Variants in TOX observed in about 807,000 individuals in gnomAD.
TOX encodes thymocyte selection-associated high mobility group box protein TOX.
Under a neutral mutation model 53.7 loss-of-function variants are expected in TOX, and 11 were observed. That is an observed-to-expected ratio of 0.20 (90% CI 0.13 to 0.34). The LOEUF (loss-of-function observed/expected upper bound fraction) is 0.34, where lower values mean the gene tolerates loss of function less well. Ranked by LOEUF, TOX falls within the 10% of genes least tolerant of loss-of-function variation. The pLI is 1.00. For synonymous variants in TOX, 225 were observed against 245.3 expected, an observed-to-expected ratio of 0.92 and a Z score of 0.77; for missense variants, 570 against 664.6, an observed-to-expected ratio of 0.86 and a Z score of 1.56.
Position 59,118,954 on chromosome 8 carries a change from G to C in TOX, c.34C>G (p.Pro12Ala), listed in dbSNP as rs775702114. The change falls in exon 1 of 9, where the codon CCC (proline) becomes GCC (alanine). Residue 12 changes from proline (P) to alanine (A), a missense_variant. Pro to Ala is a conservative substitution (Grantham distance 27). Transcript: ENST00000361421. The surrounding 1 kb of genome is among the most constrained non-coding windows in gnomAD (Gnocchi z 4.1). ...DVRFYPPPAQ[P>A]AAAPDAPCLG... ...CAGGGAGCGTCGGGCGCAGCGGCGG[G>C]CTGGGCTGGAGGTGGATAAAATCTT... 4 of 1,603,008 alleles carry C rather than the reference G, an allele frequency of 2.5e-6. No homozygotes were observed. In the South Asian group the frequency reaches 3.3e-5, roughly 13 times the overall value.
intron 3 of TOX, among the ~76,000 whole-genome samples, chr8:58,898,885 A>T (rs959071277): frequency 6.6e-6 from 1 of 152,142 alleles, no homozygotes; most frequent in Non-Finnish European, 1.5e-5. Flanking sequence ...GCATCTATTA[A>T]ACGGAGGTGT....
intron 1 of TOX, among the ~76,000 whole-genome samples, chr8:59,047,636 C>T (rs1803714363): frequency 6.6e-6 from 1 of 151,770 alleles, no homozygotes; most frequent in Non-Finnish European, 1.5e-5. Flanking sequence ...TTCACAGGCG[C>T]CATCATAGCA....
At chr8:58,879,523 TA>T (rs1193488024) in intron 3 of TOX, among the ~76,000 whole-genome samples, 2 of 118,504 alleles carry the variant, frequency 1.7e-5, no homozygotes. Flanking sequence ...AGTAAAAACA[TA>T]TTTTTAGTTA....
At chr8:58,925,059 C>G (rs1346144129) in intron 3 of TOX, among the ~76,000 whole-genome samples, 1 of 152,196 alleles carries the variant, frequency 6.6e-6, no homozygotes, top group East Asian at 1.9e-4. Context: ...AGCCACAGCC[C>G]CCAACCCTCG....
chr8:58,831,188 T>A (rs1411702388), intron 5 of TOX, among the ~76,000 whole-genome samples: 1 of 152,166 alleles, frequency 6.6e-6, no homozygotes, highest in Non-Finnish European at 1.5e-5. Flanking sequence ...GACCTGTTTC[T>A]GGAATGGTAA....
At chr8:59,092,276 T>TATTATATATACATTATATATATA (rs1563443717) in intron 1 of TOX, among the ~76,000 whole-genome samples, 1 of 92,704 alleles carries the variant, frequency 1.1e-5, no homozygotes, top group African/African-American at 1.5e-4. Context: ...TATATATATA[T>TATTATATATACATTATATATATA]ATATATTATA....
intron 5 of TOX, among the ~76,000 whole-genome samples, chr8:58,831,946 G>A (rs1270831568): frequency 6.6e-6 from 1 of 151,926 alleles, no homozygotes; most frequent in Non-Finnish European, 1.5e-5. Flanking sequence ...ACTTGAAGGA[G>A]TATTATGTTT....
intron 1 of TOX, among the ~76,000 whole-genome samples, chr8:59,010,122 A>G (rs907787700): frequency 2.0e-5 from 3 of 152,192 alleles, no homozygotes; most frequent in Admixed American, 2.0e-4. Flanking sequence ...ATTCACGAGT[A>G]TAGGTTCCTA....
rs78461482 is a variant in TOX at position 59,089,749 on chromosome 8, C to T, written c.102+29137G>A. ...GATCACAGGCATGCATCTCCATGCCCGGCTAATTTTTTAATTTGTAGAGAT... is the reference window on the plus strand; with the variant it reads ...GATCACAGGCATGCATCTCCATGCCTGGCTAATTTTTTAATTTGTAGAGAT... On this transcript the variant is annotated intron_variant, in intron 1 of 8. Coordinates refer to ENST00000361421, the MANE Select transcript of TOX (RefSeq NM_014729.3). 2.9e-4 allele frequency among the ~76,000 whole-genome samples: 44 copies of T among 152,260 alleles called. 1 individual carries two copies. In the East Asian group the frequency reaches 7.3e-3, roughly 25 times the overall value.
intron 1 of TOX, among the ~76,000 whole-genome samples, chr8:58,964,228 C>A (rs1356221148): frequency 6.6e-6 from 1 of 152,138 alleles, no homozygotes; most frequent in Non-Finnish European, 1.5e-5. Context: ...GGTCAGGAAT[C>A]AAGAGACCTG....
chr8:59,118,858 A>C lies in TOX; in HGVS notation c.102+28T>G. The C allele has an allele frequency of 6.5e-7, 1 of 1,538,056 alleles. No homozygotes were observed. The highest frequency in any genetic ancestry group is 8.8e-7 in the Non-Finnish European group (1 of 1,131,204). ...CCTCCCAGGATCAAGCAGCAAGAAC[A>C]CGGTGGAAACAAAAGCAGAGCGTTC... is the stretch of plus-strand genomic sequence containing the variant. On this transcript the variant is annotated intron_variant, in intron 1 of 8. Transcript: ENST00000361421. This position sits in a 1 kb window ranked among gnomAD's most constrained non-coding sequence, Gnocchi z 4.1.
intron 1 of TOX, chr8:58,992,880 C>A (rs1457361543): frequency 1.3e-5 from 2 of 152,080 alleles, no homozygotes; most frequent in African/African-American, 4.8e-5. Flanking sequence ...AACACTGTTG[C>A]ATATTTAAGG....
chr8:58,912,023 C>T (rs1357371272), intron 3 of TOX, among the ~76,000 whole-genome samples: 2 of 152,198 alleles, frequency 1.3e-5, no homozygotes, highest in African/African-American at 4.8e-5. Flanking sequence ...CAATGCAGCT[C>T]CCCCGGCTCC....
At chr8:58,891,572 G>A (rs1001492290) in intron 3 of TOX, among the ~76,000 whole-genome samples, 28 of 152,122 alleles carry the variant, frequency 1.8e-4, no homozygotes, top group African/African-American at 5.6e-4. Flanking sequence ...TTGTAATCAC[G>A]CCACCCGACT....
intron 1 of TOX, among the ~76,000 whole-genome samples, chr8:59,052,634 T>C (rs943052178): frequency 3.9e-5 from 6 of 152,194 alleles, no homozygotes; most frequent in African/African-American, 1.4e-4. Flanking sequence ...GTTATGTTTT[T>C]ACATGAGGCA....
intron 1 of TOX, among the ~76,000 whole-genome samples, chr8:58,962,703 G>T (rs1812821928): frequency 6.6e-6 from 1 of 152,234 alleles, no homozygotes; most frequent in South Asian, 2.1e-4. Context: ...CTACTTGGGA[G>T]GCTAAGGTGG....
At chr8:58,935,938 C>CT (rs1198033878) in intron 3 of TOX, among the ~76,000 whole-genome samples, 2 of 152,122 alleles carry the variant, frequency 1.3e-5, no homozygotes, top group Non-Finnish European at 2.9e-5. Context: ...GCAAAAATGG[C>CT]TTAATGGCAC....
At chr8:58,832,127 TG>T (rs1448191435) in intron 5 of TOX, among the ~76,000 whole-genome samples, 3 of 147,952 alleles carry the variant, frequency 2.0e-5, no homozygotes, top group South Asian at 2.1e-4. Context: ...ATATAATATA[TG>T]TAATATATAT....
At chr8:58,838,384 T>C (rs1372021591) in intron 4 of TOX, 73 bp from the exon 5 acceptor site, 1 of 1,264,510 alleles carries the variant, frequency 7.9e-7, no homozygotes, top group Non-Finnish European at 1.1e-6. Context: ...GTTGTTTTCC[T>C]TTGAGACTTA....
Sources: allele counts gnomAD v4.1 joint callset (sites outside exome capture counted in the v4.1 genomes callset), GRCh38; gene constraint gnomAD v4.1.1; non-coding constraint Gnocchi (gnomAD v3.1); transcripts MANE v1.5; gene names NCBI Gene and HGNC (gene_info 2026-07-23, HGNC 2026-07-21).